Variants in ELL2 observed in about 807,000 individuals in gnomAD.
ELL2 encodes RNA polymerase II elongation factor ELL2.
In ELL2, 21 loss-of-function variants were observed where a neutral mutation model predicts 72.8. That is an observed-to-expected ratio of 0.29 (90% confidence interval 0.20 to 0.42). The LOEUF (loss-of-function observed/expected upper bound fraction) is 0.42. Ranked by LOEUF, ELL2 falls within the 10% of genes least tolerant of loss-of-function variation. The probability of loss-of-function intolerance (pLI) is 1.00; values close to 1 mark genes in which losing one functional copy is unlikely to be tolerated. For synonymous variants in ELL2, 266 were observed against 283.2 expected (o/e 0.94, Z 0.61); for missense variants, 568 against 772.8 (o/e 0.73, Z 3.14).
At chr5:95,922,132 CA>C (rs760862550) in intron 2 of ELL2, among the ~76,000 whole-genome samples, 53 of 151,888 alleles carry the variant, frequency 3.5e-4, no homozygotes, top group Non-Finnish European at 6.9e-4. Context: ...GGCACGATCT[CA>C]ACTCACTGCA....
intron 10 of ELL2, 114 bp downstream of exon 10, chr5:95,890,989 G>C: frequency 8.6e-7 from 1 of 1,160,430 alleles, no homozygotes; most frequent in Non-Finnish European, 1.3e-6. Context: ...CAGCGAGGCT[G>C]GTCTGCAAGA....
chr5:95,946,310 A>G (rs1751156822), intron 1 of ELL2, among the ~76,000 whole-genome samples: 1 of 152,198 alleles, frequency 6.6e-6, no homozygotes. Context: ...GAAAAATGAT[A>G]AGATGTGCTG....
At position 95,906,578 on chromosome 5, in the gene ELL2, T is replaced by A; in HGVS notation, c.686A>T (p.Gln229Leu). 1 of 1,614,104 alleles carries A rather than the reference T, an allele frequency of 6.2e-7. No homozygotes were observed. The highest frequency in any genetic ancestry group is 1.1e-5 in the South Asian group (1 of 91,074). ...YKKPELLARL[Q>L]KDGVNQKDKN... is the part of the protein sequence containing the mutation. ...GTCTTTTTGATTGACACCATCTTTC[T>A]GGAGTCTAGCAAGTAGCTCCGGTTT... The change falls in exon 5 of 12, where the codon CAG (glutamine) becomes CTG (leucine). Residue 229 changes from glutamine to leucine, a missense_variant. Physicochemically the swap from Gln to Leu is moderately radical, Grantham distance 113. Coordinates refer to ENST00000237853, the MANE Select transcript of ELL2 (RefSeq NM_012081.6).
Position 95,888,839 on chromosome 5 carries a change from G to A in ELL2, c.*32C>T. 6.8e-7 allele frequency: 1 copy of A among 1,464,828 alleles called. No individual in the cohort carries two copies. Among genetic ancestry groups the A allele is most frequent in the Non-Finnish European group, 9.3e-7 (1 of 1,076,344 alleles). 90.7% of individuals were successfully genotyped at this position (1,464,828 alleles called of 1,614,324 possible). Reference sequence around the variant, plus strand: ...TGGAATTTTAAATAAATAAGCTTAAGTTTATTCACATCTTCTGGTCCAAGC... The same window carrying A: ...TGGAATTTTAAATAAATAAGCTTAAATTTATTCACATCTTCTGGTCCAAGC... On this transcript the variant is annotated 3_prime_UTR_variant, in exon 12 of 12. Transcript: ENST00000237853.
chr5:95,939,833 A>G (rs146065119), intron 2 of ELL2, among the ~76,000 whole-genome samples: 5 of 152,316 alleles, frequency 3.3e-5, no homozygotes, highest in Non-Finnish European at 7.4e-5. Context: ...GGTGCATTAT[A>G]CCATTATACC....
intron 2 of ELL2, among the ~76,000 whole-genome samples, chr5:95,928,020 A>C (rs1451693064): frequency 1.3e-5 from 2 of 151,772 alleles, no homozygotes; most frequent in African/African-American, 2.4e-5. Flanking sequence ...ATGGCTAAAA[A>C]GTATTTAGAA....
chr5:95,938,195 A>T (rs1002151776), intron 2 of ELL2, among the ~76,000 whole-genome samples: 3 of 152,190 alleles, frequency 2.0e-5, no homozygotes, highest in Non-Finnish European at 4.4e-5. Flanking sequence ...GACTCTACTG[A>T]AAGAGTTTTA....
intron 1 of ELL2, among the ~76,000 whole-genome samples, chr5:95,947,304 A>G (rs1751196521): frequency 6.6e-6 from 1 of 152,246 alleles, no homozygotes; most frequent in Admixed American, 6.5e-5. Flanking sequence ...AGGGTTGTAC[A>G]GACAAGACAA....
rs1445332568 is a variant in ELL2 at position 95,895,664 on chromosome 5, A to G, written c.1553T>C (p.Met518Thr). The G allele has an allele frequency of 2.5e-6, 4 of 1,614,160 alleles. No homozygotes were observed. The highest frequency in any genetic ancestry group is 3.4e-6 in the Non-Finnish European group (4 of 1,180,004). The change falls in exon 9 of 12, where the codon ATG becomes ACG. Residue 518 changes from methionine to threonine, a missense_variant. Met to Thr is a moderately conservative substitution (Grantham distance 81). Transcript: ENST00000237853. ...TGGGAGTTCAATTGCTGAAGGTTCC[A>G]TGGAGGCAGTGCAATCCTCTTTAAC... ...GGVKEDCTAS[M>T]EPSAIELPDY...
intron 9 of ELL2, among the ~76,000 whole-genome samples, chr5:95,893,499 C>T (rs1748743734): frequency 6.6e-6 from 1 of 152,166 alleles, no homozygotes. Flanking sequence ...ATTCTCCTGC[C>T]TCAGCCTCCT....
At chr5:95,956,694 T>G (rs888458043) in intron 1 of ELL2, among the ~76,000 whole-genome samples, 2 of 152,110 alleles carry the variant, frequency 1.3e-5, no homozygotes, top group Non-Finnish European at 2.9e-5. Flanking sequence ...GTTCACCTGG[T>G]AGAAAAAAAG....
intron 1 of ELL2, among the ~76,000 whole-genome samples, chr5:95,946,716 T>C (rs190210625): frequency 6.6e-6 from 1 of 152,240 alleles, no homozygotes; most frequent in Non-Finnish European, 1.5e-5. Flanking sequence ...AAGACTTTCC[T>C]CTCTAACTCT....
rs1011616806 is a variant in ELL2, at chr5:95,890,902, T to C, written c.1761+201A>G. The C allele has an allele frequency of 2.3e-5, 14 of 615,152 alleles. No individual in the cohort carries two copies. The Admixed American group carries it at 2.7e-4, about 12-fold the overall frequency. The allele number at this position is 615,152 out of a possible 1,614,324, so 38.1% of individuals were successfully genotyped here. A position where few individuals can be genotyped will look rare whatever the true frequency, so the allele number is the denominator to read the frequency against. On this transcript the variant is annotated intron_variant, in intron 10 of 11. Transcript: ENST00000237853. ...ACATTATAGTGGCACAAGGTTTTTT[T>C]CCACTGGTAGAAATACAGGTTTACT... is the stretch of plus-strand genomic sequence containing the variant.
chr5:95,927,398 C>CAT (rs1239885723), intron 2 of ELL2, among the ~76,000 whole-genome samples: 2 of 29,238 alleles, frequency 6.8e-5, no homozygotes, highest in Admixed American at 2.3e-4. Context: ...TATATATAGA[C>CAT]ATACACACAC....
intron 7 of ELL2, 99 bp from the exon 8 acceptor site, chr5:95,898,909 CTATTAA>C (rs1580482943): frequency 3.6e-6 from 3 of 841,458 alleles, no homozygotes; most frequent in East Asian, 5.6e-5. Flanking sequence ...ACCTTACTTA[CTATTAA>C]TATTACCAGG....
At chr5:95,928,281 G>C (rs577742214) in intron 2 of ELL2, among the ~76,000 whole-genome samples, 1 of 152,122 alleles carries the variant, frequency 6.6e-6, no homozygotes, top group Non-Finnish European at 1.5e-5. Flanking sequence ...AATCTAAATA[G>C]TTTCTTCAAA....
intron 2 of ELL2, among the ~76,000 whole-genome samples, chr5:95,926,627 T>C (rs982865120): frequency 2.6e-5 from 4 of 152,224 alleles, no homozygotes; most frequent in African/African-American, 7.2e-5. Context: ...ATGGTTCCCC[T>C]GGATCCAGTA....
intron 9 of ELL2, among the ~76,000 whole-genome samples, chr5:95,894,532 G>A (rs924022147): frequency 6.6e-6 from 1 of 152,192 alleles, no homozygotes; most frequent in African/African-American, 2.4e-5. Flanking sequence ...ACTGGCTGCA[G>A]ACAACTGACC....
chr5:95,925,716 A>C (rs765984192), intron 2 of ELL2, among the ~76,000 whole-genome samples: 1 of 152,168 alleles, frequency 6.6e-6, no homozygotes, highest in South Asian at 2.1e-4. Flanking sequence ...TCCTCAAATA[A>C]ATTTAGGAAA....
Sources: allele counts gnomAD v4.1 joint callset (sites outside exome capture counted in the v4.1 genomes callset), GRCh38; gene constraint gnomAD v4.1.1; transcripts MANE v1.5; gene names NCBI Gene and HGNC (gene_info 2026-07-23, HGNC 2026-07-21).